Variants in DICER1 observed in about 807,000 individuals in gnomAD.
DICER1 encodes dicer 1, ribonuclease III, also known as endoribonuclease Dicer.
A neutral mutation model predicts 194.1 loss-of-function variants in DICER1; 43 were observed. That is an observed-to-expected ratio of 0.22 (90% CI 0.17 to 0.29). The LOEUF (loss-of-function observed/expected upper bound fraction) is 0.29. DICER1 is among the 10% of genes least tolerant of loss of function. DICER1 has a pLI of 1.00. For synonymous variants in DICER1, 832 were observed against 820.5 expected (o/e 1.01, Z -0.24); for missense variants, 1,608 against 2,317.0 (o/e 0.69, Z 6.28).
At chr14:95,106,345 C>G (rs1891427670) in intron 17 of DICER1, 122 bp from the exon 18 acceptor site, 1 of 763,056 alleles carries the variant, frequency 1.3e-6, no homozygotes. Flanking sequence ...AAATAAGTAA[C>G]AATAAACATC....
intron 1 of DICER1, among the ~76,000 whole-genome samples, chr14:95,155,931 T>A (rs1047230292): frequency 3.3e-5 from 5 of 152,222 alleles, no homozygotes; most frequent in Admixed American, 3.3e-4. Context: ...GTGCCACAGG[T>A]AGCTTTAAAG....
chr14:95,132,568 A>C lies in DICER1; in HGVS notation c.254T>G (p.Ile85Ser). 6.2e-7 allele frequency: 1 copy of C among 1,614,010 alleles called. No individual in the cohort carries two copies. Among genetic ancestry groups the C allele is most frequent in the Non-Finnish European group, 8.5e-7 (1 of 1,179,948 alleles). ...VLLTKELSYQ[I>S]RGDFSRNGKR... Reference sequence around the variant, plus strand: ...TCCATTTCTGCTGAAGTCTCCCCTGATCTGATAGGACAGCTCTTTAGTGAG... The same window carrying C: ...TCCATTTCTGCTGAAGTCTCCCCTGCTCTGATAGGACAGCTCTTTAGTGAG... Residue 85 changes from isoleucine to serine, a missense_variant, in exon 3 of 27, where the codon ATC becomes AGC. Around this residue, in one of 10 missense-constraint regions of DICER1, gnomAD observed 657 missense variants for 910.1 expected, o/e 0.72. Transcript: ENST00000343455.
In DICER1 at chr14:95,124,727, T is replaced by G; in HGVS notation, c.904-59A>C. Reference sequence around the variant, plus strand: ...AAATAATAATAATGTAGCATTTTCATGTGGGGTTTAACTGGGATTTCAGTT... The same window carrying G: ...AAATAATAATAATGTAGCATTTTCAGGTGGGGTTTAACTGGGATTTCAGTT... On this transcript the variant is annotated intron_variant, in intron 7 of 26. Coordinates refer to ENST00000343455, the MANE Select transcript of DICER1 (RefSeq NM_177438.3). This position sits in a 1 kb window ranked among gnomAD's most constrained non-coding sequence, Gnocchi z 4.5. 7.1e-7 allele frequency: 1 copy of G among 1,407,292 alleles called. No homozygotes were observed. The highest frequency in any genetic ancestry group is 1.0e-6 in the Non-Finnish European group (1 of 997,602). 87.2% of individuals were successfully genotyped at this position (1,407,292 alleles called of 1,614,324 possible). A position where few individuals can be genotyped will look rare whatever the true frequency, so the allele number is the denominator to read the frequency against.
intron 1 of DICER1, among the ~76,000 whole-genome samples, chr14:95,143,579 A>C (rs975933230): frequency 6.6e-6 from 1 of 152,170 alleles, no homozygotes; most frequent in Admixed American, 6.5e-5. Flanking sequence ...AGTCATAAAA[A>C]TGTGAAAAAA....
intron 8 of DICER1, among the ~76,000 whole-genome samples, chr14:95,122,396 C>G (rs1200840627): frequency 6.6e-6 from 1 of 152,156 alleles, no homozygotes; most frequent in Non-Finnish European, 1.5e-5. Context: ...CATAACTAGG[C>G]TTACAACTGC....
chr14:95,090,802 A>T, intron 26 of DICER1, 139 bp from the exon 27 acceptor site: 1 of 1,105,658 alleles, frequency 9.0e-7, no homozygotes. Flanking sequence ...GTTACGACTT[A>T]CTGCAATTGC....
At position 95,126,697 on chromosome 14, in the gene DICER1, G is replaced by A; in HGVS notation, c.786C>T (p.Asp262=). ...GCAGTCTTTCATAAAGCCCACTTCT[G>A]TCAGTAAATGGTCCACAATCCACCA... The part of the protein sequence containing the change: ...EIVVDCGPFT[D]RSGLYERLLM... The change falls in exon 7 of 27, where the codon GAC becomes GAT. Residue 262 remains aspartate (D), a synonymous_variant. Transcript: ENST00000343455. 6.2e-7 allele frequency: 1 copy of A among 1,609,106 alleles called. No individual in the cohort carries two copies. Among genetic ancestry groups the A allele is most frequent in the East Asian group, 2.2e-5 (1 of 44,766 alleles).
chr14:95,099,552 T>C (rs901424294), intron 22 of DICER1, among the ~76,000 whole-genome samples: 3 of 152,054 alleles, frequency 2.0e-5, no homozygotes, highest in African/African-American at 4.8e-5. Flanking sequence ...ATAATAAAAA[T>C]AGAAATTTGC....
chr14:95,108,158 C>A (rs886222316), intron 15 of DICER1, 65 bp from the exon 16 acceptor site: 2 of 1,384,892 alleles, frequency 1.4e-6, no homozygotes, highest in Non-Finnish European at 2.0e-6. Flanking sequence ...TTACAGTTAA[C>A]TTCAGAACAG....
Position 95,094,143 on chromosome 14 carries a change from G to A in DICER1, c.5109C>T (p.Arg1703=). The change falls in exon 24 of 27, where the codon CGC becomes CGT. Residue 1703 remains arginine (R), a synonymous_variant. Transcript: ENST00000343455. ...HYNTITDCYQ[R]LEFLGDAILD... ...AAATCGCATCTCCCAGGAATTCTAAGCGCTGGTAACAATCTGAGGGGATCC... is the reference window on the plus strand; with the variant it reads ...AAATCGCATCTCCCAGGAATTCTAAACGCTGGTAACAATCTGAGGGGATCC... 2 of 1,614,162 alleles carry A rather than the reference G, an allele frequency of 1.2e-6. No individual in the cohort carries two copies. Among genetic ancestry groups the A allele is most frequent in the Non-Finnish European group, 1.7e-6 (2 of 1,180,024 alleles).
intron 8 of DICER1, among the ~76,000 whole-genome samples, chr14:95,122,941 C>T (rs1401678841): frequency 2.1e-5 from 3 of 145,182 alleles, no homozygotes; most frequent in East Asian, 2.0e-4. Context: ...TGTACGCGCG[C>T]GCGCGCGCAC....
chr14:95,103,784 G>A lies in DICER1; in HGVS notation c.3612C>T (p.Tyr1204=). ...GTTGCACGGGTATTTCCTGCTTGTA[G>A]TAATTTAGCTGATTTCCTTGGCAAA... The part of the protein sequence containing the change: ...RDFCQGNQLN[Y]YKQEIPVQPT... The change falls in exon 21 of 27, where the codon TAC becomes TAT. Residue 1204 remains tyrosine, a synonymous_variant. Coordinates refer to ENST00000343455, the MANE Select transcript of DICER1 (RefSeq NM_177438.3). 1 of 1,614,162 alleles carries A rather than the reference G, an allele frequency of 6.2e-7. No homozygotes were observed. Among genetic ancestry groups the A allele is most frequent in the South Asian group, 1.1e-5 (1 of 91,080 alleles).
intron 1 of DICER1, among the ~76,000 whole-genome samples, chr14:95,138,986 TAAAAAAATA>T (rs1274051859): frequency 1.9e-4 from 6 of 31,708 alleles, no homozygotes; most frequent in African/African-American, 9.3e-4. Context: ...TAAAAATAAA[TAAAAAAATA>T]AAAAAAAAAA....
rs373729361 is a variant in DICER1 at position 95,107,723 on chromosome 14, T to C, written c.2689A>G (p.Met897Val). ...SSTLDIDFKFMEDIEKSEARI... is the reference protein window; with the variant it reads ...SSTLDIDFKFVEDIEKSEARI... ...GCTTCAGACTTCTCAATATCTTCCA[T>C]GAATTTAAAGTCAATATCCAAAGTG... Residue 897 changes from methionine to valine, a missense_variant, in exon 17 of 27, where the codon ATG becomes GTG. This residue lies in a region of DICER1 where 150 missense variants were observed against 216.0 expected (regional missense o/e 0.69). Coordinates refer to ENST00000343455, the MANE Select transcript of DICER1 (RefSeq NM_177438.3). 9 of 1,613,968 alleles carry C rather than the reference T, an allele frequency of 5.6e-6. No homozygotes were observed. Among genetic ancestry groups the C allele is most frequent in the South Asian group, 1.1e-5 (1 of 91,088 alleles).
At chr14:95,152,740 AT>A (rs1258049462) in intron 1 of DICER1, among the ~76,000 whole-genome samples, 2 of 152,232 alleles carry the variant, frequency 1.3e-5, no homozygotes, top group Non-Finnish European at 2.9e-5. Flanking sequence ...TTCATTGACA[AT>A]TTTAGATGAG....
In DICER1 at chr14:95,117,878, T is replaced by TGG. The variant is rs2095009397; in HGVS notation, c.1377-126_1377-125dup. The TGG allele has an allele frequency of 9.2e-6, 8 of 867,868 alleles. No homozygotes were observed. The South Asian group carries it at 1.3e-4, about 14-fold the overall frequency. 53.8% of individuals were successfully genotyped at this position (867,868 alleles called of 1,614,324 possible). A position where few individuals can be genotyped will look rare whatever the true frequency, so the allele number is the denominator to read the frequency against. ...GCAAACATACCTAACAAAACGGTCTTGGTCCTTTTTTCCCAACTTGCTTAA... is the reference window on the plus strand; with the variant it reads ...GCAAACATACCTAACAAAACGGTCTTGGGGTCCTTTTTTCCCAACTTGCTTAA... On this transcript the variant is annotated intron_variant, in intron 8 of 26. Transcript: ENST00000343455.
At chr14:95,141,001 A>G (rs945660976) in intron 1 of DICER1, among the ~76,000 whole-genome samples, 2 of 152,234 alleles carry the variant, frequency 1.3e-5, no homozygotes, top group Non-Finnish European at 2.9e-5. Context: ...AAAGAGCTAG[A>G]GCAAAGTTCA....
At chr14:95,151,779 G>A (rs890264848) in intron 1 of DICER1, among the ~76,000 whole-genome samples, 5 of 152,044 alleles carry the variant, frequency 3.3e-5, no homozygotes, top group East Asian at 1.9e-4. Context: ...CATAAGAGGC[G>A]GACAGGCTGT....
At chr14:95,138,986 T>TAAAAA (rs1289692370) in intron 1 of DICER1, among the ~76,000 whole-genome samples, 2 of 31,704 alleles carry the variant, frequency 6.3e-5, no homozygotes, top group African/African-American at 3.1e-4. Context: ...TAAAAATAAA[T>TAAAAA]AAAAAAATAA....
Sources: gnomAD v4.1 joint callset for allele counts (sites outside exome capture counted in the v4.1 genomes callset) on GRCh38, gnomAD v4.1.1 for gene constraint, gnomAD v4.1.1 regional missense constraint, Gnocchi (gnomAD v3.1) non-coding constraint, MANE v1.5 for transcripts, NCBI Gene and HGNC (gene_info 2026-07-23, HGNC 2026-07-21) for gene names.